CDH18: variants seen among roughly 807,000 people sequenced by gnomAD.
CDH18 encodes cadherin 18, also known as cadherin-18.
Under a neutral mutation model 67.9 loss-of-function variants are expected in CDH18, and 31 were observed. The ratio of observed to expected loss-of-function variants is 0.46; its 90% CI spans 0.34 to 0.62. CDH18 has a LOEUF of 0.62. Ranked by LOEUF, CDH18 falls within the 20% of genes least tolerant of loss-of-function variation. CDH18 has a pLI of 0.01. For missense variants in CDH18, 890 were observed against 975.5 expected, an observed-to-expected ratio of 0.91 and a Z score of 1.17; for synonymous variants, 362 against 347.2, an observed-to-expected ratio of 1.04 and a Z score of -0.48.
chr5:20,151,064 G>C lies in CDH18; in HGVS notation c.-518+104380C>G, dbSNP rs138264914. Among the ~76,000 whole-genome samples, 13 of 151,396 alleles carry C rather than the reference G, an allele frequency of 8.6e-5. No homozygotes were observed. The East Asian group carries it at 2.5e-3, about 30-fold the overall frequency. The stretch of plus-strand genomic sequence containing the variant: ...TAGTGGGTCCTATATCTGAAATATA[G>C]GGGGTTCCGCTTTGTTACATGAGTA... On this transcript the variant is annotated intron_variant, in intron 2 of 14. Transcript: ENST00000507958.
At chr5:19,489,671 A>G (rs79873302) in intron 11 of CDH18, among the ~76,000 whole-genome samples, 1 of 152,016 alleles carries the variant, frequency 6.6e-6, no homozygotes. Flanking sequence ...GCTGCCATCT[A>G]TTACCAAGAT....
intron 1 of CDH18, among the ~76,000 whole-genome samples, chr5:20,387,033 C>T (rs953423812): frequency 3.0e-4 from 46 of 152,096 alleles, no homozygotes; most frequent in African/African-American, 1.1e-3. Flanking sequence ...AACCAGGGGT[C>T]AGCAAACTAT....
intron 5 of CDH18, among the ~76,000 whole-genome samples, chr5:19,672,307 T>C (rs577568797): frequency 6.6e-6 from 1 of 152,242 alleles, no homozygotes; most frequent in East Asian, 1.9e-4. Context: ...TCCAGTTTAC[T>C]CATCAATAAA....
chr5:19,776,026 T>C (rs1498108), intron 3 of CDH18, among the ~76,000 whole-genome samples: 146,602 of 152,142 alleles, frequency 0.96, 70,856 homozygotes, highest in Middle Eastern at 1. Context: ...AAAATTATAC[T>C]GTACACAAAA....
chr5:19,868,762 T>C (rs901847933), intron 2 of CDH18, among the ~76,000 whole-genome samples: 5 of 151,998 alleles, frequency 3.3e-5, no homozygotes, highest in African/African-American at 1.2e-4. Context: ...GTTTACAGAG[T>C]TCAAAAAATA....
intron 2 of CDH18, among the ~76,000 whole-genome samples, chr5:20,103,105 T>A (rs939061957): frequency 6.6e-6 from 1 of 152,196 alleles, no homozygotes; most frequent in Non-Finnish European, 1.5e-5. Context: ...CTTGAACAAA[T>A]TCCATGCTTG....
intron 2 of CDH18, among the ~76,000 whole-genome samples, chr5:19,941,620 A>G (rs1794827793): frequency 6.6e-6 from 1 of 151,836 alleles, no homozygotes. Flanking sequence ...CCATCCCTAC[A>G]AAAAAGAAAA....
chr5:20,526,663 G>A lies in CDH18; in HGVS notation c.-580+48799C>T, dbSNP rs538959061. On this transcript the variant is annotated intron_variant, in intron 1 of 14. Coordinates refer to the CDH18 transcript ENST00000507958. Reference sequence around the variant, plus strand: ...AACTGCAGCAGACCTGCAGAAAAGAGGCCTGACTGTTAGAAGAAAAACAAA... The same window carrying A: ...AACTGCAGCAGACCTGCAGAAAAGAAGCCTGACTGTTAGAAGAAAAACAAA... Among the ~76,000 whole-genome samples, 14 of 152,172 alleles carry A rather than the reference G, an allele frequency of 9.2e-5. No individual in the cohort carries two copies. In the South Asian group the frequency reaches 1.7e-3, roughly 18 times the overall value.
intron 3 of CDH18, among the ~76,000 whole-genome samples, chr5:19,758,765 A>T (rs1771965124): frequency 6.6e-6 from 1 of 152,192 alleles, no homozygotes; most frequent in South Asian, 2.1e-4. Flanking sequence ...TAGAAATTTT[A>T]CTGAAGTAGA....
chr5:20,013,812 C>T (rs1386774865), intron 2 of CDH18, among the ~76,000 whole-genome samples: 2 of 152,070 alleles, frequency 1.3e-5, no homozygotes, highest in Non-Finnish European at 2.9e-5. Context: ...ATTTTGAGAT[C>T]TAAAATTAGA....
chr5:19,503,416 C>G (rs1224374276), intron 10 of CDH18, among the ~76,000 whole-genome samples: 1 of 152,000 alleles, frequency 6.6e-6, no homozygotes, highest in Non-Finnish European at 1.5e-5. Context: ...AATGTTTTCA[C>G]ATGAATACCT....
intron 5 of CDH18, among the ~76,000 whole-genome samples, chr5:19,654,119 G>A (rs1755978801): frequency 6.6e-6 from 1 of 152,068 alleles, no homozygotes; most frequent in Non-Finnish European, 1.5e-5. Flanking sequence ...AGCAGCCTCT[G>A]CAGAAACTTT....
intron 2 of CDH18, among the ~76,000 whole-genome samples, chr5:20,019,932 G>T (rs956627950): frequency 5.9e-5 from 9 of 152,210 alleles, no homozygotes; most frequent in Non-Finnish European, 1.5e-5. Context: ...TGACCAAAAT[G>T]CTGATATTGA....
At chr5:20,451,749 G>T (rs922103010) in intron 1 of CDH18, among the ~76,000 whole-genome samples, 1 of 152,008 alleles carries the variant, frequency 6.6e-6, no homozygotes, top group South Asian at 2.1e-4. Context: ...TAATCAAATT[G>T]CCTATATTTC....
chr5:20,124,445 C>T (rs919989987), intron 2 of CDH18, among the ~76,000 whole-genome samples: 2 of 152,148 alleles, frequency 1.3e-5, no homozygotes, highest in Non-Finnish European at 2.9e-5. Flanking sequence ...GTGCAATCAC[C>T]TTGAGTACCA....
At chr5:20,510,206 G>A (rs1198461764) in intron 1 of CDH18, among the ~76,000 whole-genome samples, 1 of 152,020 alleles carries the variant, frequency 6.6e-6, no homozygotes, top group Non-Finnish European at 1.5e-5. Flanking sequence ...AGAGATGTCT[G>A]TTTAGGTAAT....
intron 12 of CDH18, among the ~76,000 whole-genome samples, chr5:19,480,115 C>A (rs1392563930): frequency 6.6e-6 from 1 of 151,868 alleles, no homozygotes; most frequent in Admixed American, 6.6e-5. Flanking sequence ...ACATGCTTCA[C>A]CTAAGAGATC....
intron 5 of CDH18, among the ~76,000 whole-genome samples, chr5:19,665,731 G>A (rs1757819731): frequency 6.6e-6 from 1 of 152,000 alleles, no homozygotes; most frequent in African/African-American, 2.4e-5. Context: ...GGGTAATTGG[G>A]TAAGAGAAGT....
intron 2 of CDH18, among the ~76,000 whole-genome samples, chr5:20,191,987 C>T (rs1441884189): frequency 6.6e-5 from 10 of 151,960 alleles, no homozygotes; most frequent in African/African-American, 1.7e-4. Flanking sequence ...AGTGTAAAAA[C>T]GTTCCTATTT....
Sources: gnomAD v4.1 joint callset for allele counts (sites outside exome capture counted in the v4.1 genomes callset) on GRCh38, gnomAD v4.1.1 for gene constraint, MANE v1.5 for transcripts, NCBI Gene and HGNC (gene_info 2026-07-23, HGNC 2026-07-21) for gene names.